Variants in COL26A1 observed in about 807,000 individuals in gnomAD.
The protein encoded by COL26A1 is collagen alpha-1(XXVI) chain.
A neutral mutation model predicts 59.3 loss-of-function variants in COL26A1; 41 were observed. That is an observed-to-expected ratio of 0.69 (90% CI 0.54 to 0.90). The LOEUF is 0.90. Among genes scored for constraint, COL26A1 ranks in the 40% least tolerant of loss-of-function variants. The pLI, the probability that COL26A1 is intolerant of heterozygous loss-of-function variation, is 0.00. For synonymous variants in COL26A1, 266 were observed against 256.0 expected, an observed-to-expected ratio of 1.04 and a Z score of -0.37; for missense variants, 612 against 602.3, an observed-to-expected ratio of 1.02 and a Z score of -0.17.
At chr7:101,404,434 T>TCC (rs151236251) in intron 1 of COL26A1, among the ~76,000 whole-genome samples, 2 of 151,054 alleles carry the variant, frequency 1.3e-5, no homozygotes, top group Non-Finnish European at 3.0e-5. Flanking sequence ...CCATTTACCC[T>TCC]CCCCCCCCAA....
chr7:101,402,990 C>T (rs968355060), intron 1 of COL26A1, among the ~76,000 whole-genome samples: 1 of 151,808 alleles, frequency 6.6e-6, no homozygotes, highest in East Asian at 1.9e-4. Context: ...GGATTAGTCA[C>T]GTGCCACTAT....
intron 2 of COL26A1, among the ~76,000 whole-genome samples, chr7:101,426,577 C>T (rs574123032): frequency 1.8e-4 from 27 of 152,242 alleles, no homozygotes; most frequent in African/African-American, 6.3e-4. Flanking sequence ...AGAGTACAGC[C>T]TTTTCCAGAA....
intron 1 of COL26A1, among the ~76,000 whole-genome samples, chr7:101,400,947 C>T (rs1055337629): frequency 6.6e-5 from 10 of 152,120 alleles, no homozygotes; most frequent in African/African-American, 1.4e-4. Context: ...TGGGGAGATG[C>T]GGAGACGGGA....
chr7:101,393,918 T>A (rs114291849), intron 1 of COL26A1, among the ~76,000 whole-genome samples: 1,986 of 152,080 alleles, frequency 0.013, 37 homozygotes, highest in African/African-American at 0.045. Context: ...GGCTAATTTT[T>A]AAAAATATTT....
chr7:101,391,310 T>C (rs1791723532), intron 1 of COL26A1, among the ~76,000 whole-genome samples: 1 of 152,094 alleles, frequency 6.6e-6, no homozygotes, highest in South Asian at 2.1e-4. Flanking sequence ...GGGATTCTAT[T>C]TTTTTTATTT....
intron 3 of COL26A1, among the ~76,000 whole-genome samples, chr7:101,478,907 A>G (rs1794102845): frequency 6.6e-6 from 1 of 152,202 alleles, no homozygotes; most frequent in Admixed American, 6.6e-5. Flanking sequence ...ACTTGACAAA[A>G]TAGTAGTAAG....
chr7:101,469,563 C>T (rs960349399), intron 3 of COL26A1, among the ~76,000 whole-genome samples: 1 of 151,624 alleles, frequency 6.6e-6, no homozygotes, highest in African/African-American at 2.4e-5. Context: ...GATCTTAGCT[C>T]ACTGCAATCT....
At chr7:101,539,750 C>A in intron 4 of COL26A1, 143 bp from the exon 5 acceptor site, 1 of 792,158 alleles carries the variant, frequency 1.3e-6, no homozygotes, top group Non-Finnish European at 1.9e-6. Context: ...GAGTGAGGTT[C>A]TCCCACTAAG....
chr7:101,508,460 A>C (rs1794856876), intron 3 of COL26A1, among the ~76,000 whole-genome samples: 1 of 149,242 alleles, frequency 6.7e-6, no homozygotes, highest in Non-Finnish European at 1.5e-5. Flanking sequence ...TTGAGGCTGC[A>C]GTGAGTCATG....
At chr7:101,535,365 C>A (rs945650521) in intron 4 of COL26A1, among the ~76,000 whole-genome samples, 4 of 152,214 alleles carry the variant, frequency 2.6e-5, no homozygotes, top group Non-Finnish European at 4.4e-5. Flanking sequence ...TTCCTAGTAC[C>A]GGAAGCCTCT....
chr7:101,415,812 G>T (rs1233880260), intron 1 of COL26A1, among the ~76,000 whole-genome samples: 3 of 151,854 alleles, frequency 2.0e-5, no homozygotes, highest in Non-Finnish European at 4.4e-5. Flanking sequence ...ACTTTTTATT[G>T]TATAGAGATG....
At chr7:101,508,463 G>C (rs773758027) in intron 3 of COL26A1, among the ~76,000 whole-genome samples, 7 of 147,430 alleles carry the variant, frequency 4.7e-5, no homozygotes, top group Non-Finnish European at 1.0e-4. Flanking sequence ...AGGCTGCAGT[G>C]AGTCATGATC....
intron 3 of COL26A1, among the ~76,000 whole-genome samples, chr7:101,448,311 G>C (rs1403752375): frequency 2.6e-5 from 4 of 152,280 alleles, no homozygotes; most frequent in African/African-American, 9.6e-5. Flanking sequence ...CCTGGCTCTG[G>C]AGCCTGAGAG....
At chr7:101,412,182 G>T (rs769563814) in intron 1 of COL26A1, among the ~76,000 whole-genome samples, 46 of 152,106 alleles carry the variant, frequency 3.0e-4, no homozygotes, top group Middle Eastern at 3.4e-3. Flanking sequence ...AAACAGATCG[G>T]GGCAGAAGCG....
At chr7:101,384,267 C>CA (rs979233818) in intron 1 of COL26A1, among the ~76,000 whole-genome samples, 2 of 135,522 alleles carry the variant, frequency 1.5e-5, no homozygotes, top group Non-Finnish European at 3.1e-5. Flanking sequence ...GACGGAGTCT[C>CA]ACTGTGTTGC....
At chr7:101,509,401 G>A (rs1228395558) in intron 3 of COL26A1, among the ~76,000 whole-genome samples, 2 of 152,074 alleles carry the variant, frequency 1.3e-5, no homozygotes, top group Admixed American at 6.6e-5. Context: ...AGCTGAGATC[G>A]TGCCACTGTA....
At chr7:101,531,818 G>A (rs17470799) in intron 3 of COL26A1, among the ~76,000 whole-genome samples, 15,991 of 151,672 alleles carry the variant, frequency 0.11, 906 homozygotes, top group Middle Eastern at 0.23. Flanking sequence ...GGTGATTTGC[G>A]TTCGATGACA....
intron 3 of COL26A1, among the ~76,000 whole-genome samples, chr7:101,453,573 C>G (rs565792662): frequency 6.5e-4 from 99 of 152,260 alleles, no homozygotes; most frequent in African/African-American, 2.3e-3. Flanking sequence ...GCTTCAAGCA[C>G]CTTGCTCAGG....
chr7:101,525,786 G>A (rs762732149), intron 3 of COL26A1, among the ~76,000 whole-genome samples: 5 of 152,182 alleles, frequency 3.3e-5, no homozygotes, highest in African/African-American at 4.8e-5. Flanking sequence ...GTGAGCCACT[G>A]CACCTGGCAC....
Sources: allele counts gnomAD v4.1 joint callset (sites outside exome capture counted in the v4.1 genomes callset), GRCh38; gene constraint gnomAD v4.1.1; transcripts MANE v1.5; gene names NCBI Gene and HGNC (gene_info 2026-07-23, HGNC 2026-07-21).